Variants in NTRK2 observed in about 807,000 individuals in gnomAD.
The protein encoded by NTRK2 is BDNF/NT-3 growth factors receptor.
NTRK2 carries 13 observed loss-of-function variants against 94.5 expected under a neutral mutation model. The ratio of observed to expected loss-of-function variants is 0.14; its 90% CI spans 0.09 to 0.22. The LOEUF (loss-of-function observed/expected upper bound fraction) is 0.22. NTRK2 is among the 10% of genes least tolerant of loss of function. The probability of loss-of-function intolerance (pLI) is 1.00; values close to 1 mark genes in which losing one functional copy is unlikely to be tolerated. For missense variants in NTRK2, 639 were observed against 1,071.2 expected (o/e 0.60, Z 5.63); for synonymous variants, 372 against 407.4 (o/e 0.91, Z 1.05).
upstream of NTRK2, chr9:84,668,762 C>G (rs201759436): frequency 6.6e-6 from 1 of 152,266 alleles, no homozygotes; most frequent in East Asian, 1.9e-4. Context: ...CGCGCACACC[C>G]TAGCACACAT....
chr9:84,787,064 G>A (rs2068191195), intron 12 of NTRK2, among the ~76,000 whole-genome samples: 1 of 152,096 alleles, frequency 6.6e-6, no homozygotes, highest in South Asian at 2.1e-4. Flanking sequence ...TTGGGAGGTG[G>A]AGGCGGATGG....
intron 2 of NTRK2, among the ~76,000 whole-genome samples, chr9:84,689,179 G>T (rs2059896080): frequency 1.3e-5 from 2 of 152,212 alleles, no homozygotes; most frequent in African/African-American, 4.8e-5. Flanking sequence ...GAGGTTGGGA[G>T]GACTGAAAAG....
rs149284102 is a variant in NTRK2 at position 85,021,192 on chromosome 9, C to T, written c.2332-60C>T. 3.8e-4 allele frequency: 570 copies of T among 1,483,170 alleles called. 9 individuals carry two copies. The East Asian group carries it at 7.2e-3, about 19-fold the overall frequency. The allele number at this position is 1,483,170 out of a possible 1,614,324, so 91.9% of individuals were successfully genotyped here. ...CTCTTCTGCTGTTTTTTTGCACTGA[C>T]ATTTCTTCGATGTGCATTGCTTTTC... On this transcript the variant is annotated intron_variant, in intron 18 of 18. Transcript: ENST00000277120.
chr9:84,709,211 C>T (rs562105615), intron 5 of NTRK2, among the ~76,000 whole-genome samples: 3 of 152,300 alleles, frequency 2.0e-5, no homozygotes, highest in Admixed American at 1.3e-4. Flanking sequence ...TCATAATCAT[C>T]GAGCTTGCAT....
intron 2 of NTRK2, among the ~76,000 whole-genome samples, chr9:84,691,456 G>GA (rs1225250547): frequency 6.6e-6 from 1 of 152,130 alleles, no homozygotes; most frequent in Non-Finnish European, 1.5e-5. Context: ...ATGGAAACTG[G>GA]ACTGCACATG....
intron 17 of NTRK2, among the ~76,000 whole-genome samples, chr9:84,966,786 G>GAT (rs1825608802): frequency 6.6e-6 from 1 of 152,182 alleles, no homozygotes; most frequent in Non-Finnish European, 1.5e-5. Context: ...AGTAGACAAG[G>GAT]ATATAACACG....
At chr9:84,889,007 T>TTTTTTTTTTTTTTTTTTTTTG (rs1399299847) in intron 14 of NTRK2, among the ~76,000 whole-genome samples, 1 of 136,418 alleles carries the variant, frequency 7.3e-6, no homozygotes, top group Non-Finnish European at 1.5e-5. Flanking sequence ...TTTTTTTTTT[T>TTTTTTTTTTTTTTTTTTTTTG]TGAGACGGAG....
chr9:84,706,020 C>T (rs2061035452), intron 4 of NTRK2, among the ~76,000 whole-genome samples: 1 of 152,020 alleles, frequency 6.6e-6, no homozygotes, highest in Non-Finnish European at 1.5e-5. Flanking sequence ...AAACTCCCAA[C>T]CTCGGGTGAT....
At chr9:84,711,356 A>C (rs1226994856) in intron 6 of NTRK2, among the ~76,000 whole-genome samples, 1 of 152,164 alleles carries the variant, frequency 6.6e-6, no homozygotes, top group Non-Finnish European at 1.5e-5. Flanking sequence ...GTCATCCCCT[A>C]TTCCTCTTCC....
intron 17 of NTRK2, among the ~76,000 whole-genome samples, chr9:84,964,968 T>A (rs899874108): frequency 5.3e-5 from 8 of 152,218 alleles, no homozygotes; most frequent in Non-Finnish European, 1.0e-4. Context: ...TCCTTTTTAA[T>A]TAAATAACTT....
intron 14 of NTRK2, among the ~76,000 whole-genome samples, chr9:84,879,167 T>TGA (rs1289273138): frequency 6.7e-6 from 1 of 150,258 alleles, no homozygotes; most frequent in Non-Finnish European, 1.5e-5. Flanking sequence ...AGAGAGAGAG[T>TGA]GAGAGAGAGA....
rs961405439 is a variant in NTRK2, at chr9:84,723,706, T to C, written c.717T>C (p.His239=). ...YWDVGNLVSK[H]MNETSHTQGS... The stretch of plus-strand genomic sequence containing the variant: ...ATGTTGGTAACCTGGTTTCCAAACA[T>C]ATGGTAAGGCTTGTGTTTGGCTGTG... Residue 239 remains histidine, a synonymous_variant, in exon 7 of 19, where the codon CAT becomes CAC. Coordinates refer to ENST00000277120, the MANE Select transcript of NTRK2 (RefSeq NM_006180.6). 4 of 1,614,116 alleles carry C rather than the reference T, an allele frequency of 2.5e-6. No individual in the cohort carries two copies. Among genetic ancestry groups the C allele is most frequent in the Non-Finnish European group, 3.4e-6 (4 of 1,179,948 alleles).
intron 9 of NTRK2, among the ~76,000 whole-genome samples, chr9:84,737,029 A>T (rs530411639): frequency 6.6e-6 from 1 of 152,264 alleles, no homozygotes; most frequent in Non-Finnish European, 1.5e-5. Context: ...TTGCCTTATC[A>T]TATGGAATTC....
At chr9:84,908,810 T>C (rs1161717743) in intron 14 of NTRK2, among the ~76,000 whole-genome samples, 2 of 152,202 alleles carry the variant, frequency 1.3e-5, no homozygotes, top group Non-Finnish European at 2.9e-5. Flanking sequence ...CCTTTGTCCG[T>C]ATTAAAAACT....
chr9:84,977,700 C>T (rs1827065660), intron 17 of NTRK2, among the ~76,000 whole-genome samples: 1 of 152,186 alleles, frequency 6.6e-6, no homozygotes. Flanking sequence ...TACAGGCATA[C>T]CTCATTGTAT....
chr9:84,959,094 T>C (rs2277193), intron 17 of NTRK2, among the ~76,000 whole-genome samples: 54,993 of 152,124 alleles, frequency 0.36, 10,558 homozygotes, highest in African/African-American at 0.49. Context: ...GTTCTCCTTA[T>C]GATTCAGGTT....
intron 17 of NTRK2, among the ~76,000 whole-genome samples, chr9:84,956,852 T>G (rs1157688437): frequency 3.2e-4 from 3 of 9,480 alleles, no homozygotes; most frequent in Non-Finnish European, 1.9e-3. Flanking sequence ...TTTGTGGTGT[T>G]TTTTTTTTTT....
At chr9:84,947,530 A>G (rs2078640665) in intron 15 of NTRK2, among the ~76,000 whole-genome samples, 2 of 152,348 alleles carry the variant, frequency 1.3e-5, no homozygotes, top group South Asian at 4.1e-4. Flanking sequence ...GCCTGTTGTC[A>G]TCGGGGCAGC....
intron 17 of NTRK2, among the ~76,000 whole-genome samples, chr9:84,970,914 T>G (rs1410990994): frequency 6.6e-6 from 1 of 152,242 alleles, no homozygotes; most frequent in Non-Finnish European, 1.5e-5. Context: ...CAGTTGTTTC[T>G]GGAATCCTAC....
Sources: gnomAD v4.1 joint callset for allele counts (sites outside exome capture counted in the v4.1 genomes callset) on GRCh38, gnomAD v4.1.1 for gene constraint, MANE v1.5 for transcripts, NCBI Gene and HGNC (gene_info 2026-07-23, HGNC 2026-07-21) for gene names.